The following TASOR2 variants were observed in gnomAD, a reference collection of about 807,000 sequenced individuals.
TASOR2 encodes the protein transcription activation suppressor family member 2.
Under a neutral mutation model 199.5 loss-of-function variants are expected in TASOR2, and 84 were observed. The observed-to-expected ratio is 0.42, with a 90% CI of 0.35 to 0.50. The LOEUF (loss-of-function observed/expected upper bound fraction) is 0.50, where lower values mean the gene tolerates loss of function less well. TASOR2 is among the 20% of genes least tolerant of loss of function. The pLI is 0.02. For missense variants in TASOR2, 2,796 were observed against 2,835.9 expected (o/e 0.99, Z 0.32); for synonymous variants, 1,103 against 1,046.6 (o/e 1.05, Z -1.04).
Position 5,754,020 on chromosome 10 carries a change from G to A in TASOR2, c.6607-2593G>A, listed in dbSNP as rs1838468917. Among the ~76,000 whole-genome samples, 1 of 152,082 alleles carries A rather than the reference G, an allele frequency of 6.6e-6. No individual in the cohort carries two copies. The highest frequency in any genetic ancestry group is 1.5e-5 in the Non-Finnish European group (1 of 68,006). On this transcript the variant is annotated intron_variant, in intron 15 of 20. Transcript: ENST00000328090. This position sits in a 1 kb window ranked among gnomAD's most constrained non-coding sequence, Gnocchi z 4.3. Reference sequence around the variant, plus strand: ...CTTTCAGCTTCCATCTTCTCAAAAAGCAACAGAGGGTGCAGTGCTCATGCC... The same window carrying A: ...CTTTCAGCTTCCATCTTCTCAAAAAACAACAGAGGGTGCAGTGCTCATGCC...
At chr10:5,731,254 C>A in intron 11 of TASOR2, 51 bp downstream of exon 12, 2 of 1,528,734 alleles carry the variant, frequency 1.3e-6, no homozygotes, top group South Asian at 1.2e-5. Flanking sequence ...TGTGGCCAGG[C>A]GTTGGTGGCT....
intron 12 of TASOR2, among the ~76,000 whole-genome samples, chr10:5,739,091 T>A (rs1322306871): frequency 6.6e-6 from 1 of 152,250 alleles, no homozygotes; most frequent in Non-Finnish European, 1.5e-5. Context: ...ATAGTTAAAA[T>A]CATTTGAACT....
At position 5,706,735 on chromosome 10, in the gene TASOR2, G is replaced by A. The variant is rs1361868289; in HGVS notation, c.-287-6088G>A. ...AGTGAAACCTAGGCCTAGCACGGTG[G>A]CTCATGCCTGTAATTCCAGCACTTT... is the stretch of plus-strand genomic sequence containing the variant. On this transcript the variant is annotated intron_variant, in intron 1 of 20. Coordinates refer to ENST00000328090, the Ensembl canonical transcript of TASOR2. The surrounding 1 kb of genome is among the most constrained non-coding windows in gnomAD (Gnocchi z 4.8). Among the ~76,000 whole-genome samples the A allele has an allele frequency of 6.6e-6, 1 of 152,158 alleles. No individual in the cohort carries two copies. The highest frequency in any genetic ancestry group is 1.9e-4 in the East Asian group (1 of 5,200).
intron 1 of TASOR2, chr10:5,709,514 T>C: frequency 8.1e-7 from 1 of 1,228,408 alleles, no homozygotes; most frequent in Non-Finnish European, 1.0e-6. Context: ...TGATTTTTTT[T>C]CTTTCTTCAT....
chr10:5,740,647 T>C lies in TASOR2; in HGVS notation c.2327+150T>C, dbSNP rs778319952. The stretch of plus-strand genomic sequence containing the variant: ...ATTTGATAATAACATCAAGCAAACA[T>C]GTTTCCTGGCAATTAAGAGTAACAG... On this transcript the variant is annotated intron_variant, in intron 13 of 20. Transcript: ENST00000328090. The surrounding 1 kb of genome is among the most constrained non-coding windows in gnomAD (Gnocchi z 5.3). 1.2e-6 allele frequency: 1 copy of C among 858,648 alleles called. No homozygotes were observed. Among genetic ancestry groups the C allele is most frequent in the Non-Finnish European group, 1.7e-6 (1 of 574,602 alleles). The allele number at this position is 858,648 out of a possible 1,614,324, so 53.2% of individuals were successfully genotyped here. A position where few individuals can be genotyped will look rare whatever the true frequency, so the allele number is the denominator to read the frequency against.
At chr10:5,697,320 G>A (rs2131508690) in intron 1 of TASOR2, among the ~76,000 whole-genome samples, 1 of 152,340 alleles carries the variant, frequency 6.6e-6, no homozygotes, top group South Asian at 2.1e-4. Context: ...TGCAAGTGCT[G>A]TTAGGTATCC....
intron 1 of TASOR2, among the ~76,000 whole-genome samples, chr10:5,704,467 A>AATC (rs1404843088): frequency 2.0e-5 from 3 of 152,106 alleles, no homozygotes. Flanking sequence ...AGTACATATA[A>AATC]ATCACACTCC....
Position 5,754,067 on chromosome 10 carries a change from GGCCGAGGCAGGTGGATC to G in TASOR2, c.6607-2545_6607-2529del, listed in dbSNP as rs1203748517. 6.6e-6 allele frequency among the ~76,000 whole-genome samples: 1 copy of G among 152,124 alleles called. No homozygotes were observed. The highest frequency in any genetic ancestry group is 2.4e-5 in the African/African-American group (1 of 41,426). On this transcript the variant is annotated intron_variant, in intron 15 of 20. Coordinates refer to ENST00000328090, the Ensembl canonical transcript of TASOR2. This position sits in a 1 kb window ranked among gnomAD's most constrained non-coding sequence, Gnocchi z 4.3. ...TGCCTGTAATCCCAGCACTTTGGGA[GGCCGAGGCAGGTGGATC>G]ACCTGAAGTCAGGAGTTGGAGACCA...
At chr10:5,727,150 C>G (rs1387913625) in intron 10 of TASOR2, 27 bp downstream of exon 11, 2 of 1,612,826 alleles carry the variant, frequency 1.2e-6, no homozygotes, top group Non-Finnish European at 1.7e-6. Context: ...TTCCAGCTCA[C>G]TCTGTCTGTT....
rs1837932615 is a variant in TASOR2 at position 5,750,830 on chromosome 10, T to C, written c.6606+803T>C. ...ACAACCCTGTGCATCAGGAAGTTCA[T>C]ATAATATTAATTAAAGTGACCATCT... On this transcript the variant is annotated intron_variant, in intron 15 of 20. Coordinates refer to ENST00000328090, the Ensembl canonical transcript of TASOR2. This position sits in a 1 kb window ranked among gnomAD's most constrained non-coding sequence, Gnocchi z 5.4. 6.6e-6 allele frequency among the ~76,000 whole-genome samples: 1 copy of C among 152,198 alleles called. No homozygotes were observed.
exon 13 of TASOR2, chr10:5,739,706 A>G: frequency 6.2e-7 from 1 of 1,614,172 alleles, no homozygotes; most frequent in Non-Finnish European, 8.5e-7. Context: ...TTCAACCAGA[A>G]AATACCACAG....
At position 5,746,358 on chromosome 10, in the gene TASOR2, G is replaced by T. The variant is rs1250000100; in HGVS notation, c.2937G>T (p.Arg979Ser). Reference sequence around the variant, plus strand: ...CTGTTACTCAAGCCACATTCACCAGGACTTACGATGGGCCTGGCAGTCAGC... The same window carrying T: ...CTGTTACTCAAGCCACATTCACCAGTACTTACGATGGGCCTGGCAGTCAGC... The change falls in exon 15 of 21, where the codon AGG becomes AGT. Residue 979 changes from arginine (R) to serine (S), a missense_variant. By Grantham distance (110) the Arg-to-Ser change is moderately radical. Transcript: ENST00000328090. 7 of 1,614,006 alleles carry T rather than the reference G, an allele frequency of 4.3e-6. No homozygotes were observed. In the South Asian group the frequency reaches 7.7e-5, roughly 18 times the overall value.
rs192765952 is a variant in TASOR2, at chr10:5,754,772, G to A, written c.6607-1841G>A. On this transcript the variant is annotated intron_variant, in intron 15 of 20. Coordinates refer to ENST00000328090, the Ensembl canonical transcript of TASOR2. This position sits in a 1 kb window ranked among gnomAD's most constrained non-coding sequence, Gnocchi z 4.3. Reference sequence around the variant, plus strand: ...TGAGAAAGTGGACACGGCCGGGCGCGGTGGCTCACGCCTGTAATCCCAGCA... The same window carrying A: ...TGAGAAAGTGGACACGGCCGGGCGCAGTGGCTCACGCCTGTAATCCCAGCA... Among the ~76,000 whole-genome samples, 931 of 152,076 alleles carry A rather than the reference G, an allele frequency of 6.1e-3. 16 individuals carry two copies. The highest frequency in any genetic ancestry group is 0.045 in the South Asian group (216 of 4,810).
Position 5,720,290 on chromosome 10 carries a change from A to T in TASOR2, c.-99-254A>T. 1 of 985,382 alleles carries T rather than the reference A, an allele frequency of 1.0e-6. No individual in the cohort carries two copies. Among genetic ancestry groups the T allele is most frequent in the Non-Finnish European group, 1.2e-6 (1 of 829,876 alleles). The allele number at this position is 985,382 out of a possible 1,614,324, so 61.0% of individuals were successfully genotyped here. A position where few individuals can be genotyped will look rare whatever the true frequency, so the allele number is the denominator to read the frequency against. ...AGTCAAGTTTGTGTCTGAGAATTATACAACTAACTATACTAAGCCATCTTC... is the reference window on the plus strand; with the variant it reads ...AGTCAAGTTTGTGTCTGAGAATTATTCAACTAACTATACTAAGCCATCTTC... On this transcript the variant is annotated intron_variant, in intron 3 of 20. Transcript: ENST00000328090. The surrounding 1 kb of genome is among the most constrained non-coding windows in gnomAD (Gnocchi z 5.3).
chr10:5,748,162 G>C lies in TASOR2; in HGVS notation c.4741G>C (p.Val1581Leu). The change falls in exon 15 of 21, where the codon GTT (valine) becomes CTT (leucine). Residue 1581 changes from valine to leucine, a missense_variant. Physicochemically the swap from Val to Leu is conservative, Grantham distance 32 (BLOSUM62 1). Transcript: ENST00000328090. The surrounding 1 kb of genome is among the most constrained non-coding windows in gnomAD (Gnocchi z 5.1). ...TGAACCTCCATTTGGTCCTAGAAATGTTATTGAAAATAAGTCTTTGTCTGA... is the reference window on the plus strand; with the variant it reads ...TGAACCTCCATTTGGTCCTAGAAATCTTATTGAAAATAAGTCTTTGTCTGA... The C allele has an allele frequency of 6.2e-7, 1 of 1,614,214 alleles. No homozygotes were observed. The highest frequency in any genetic ancestry group is 8.5e-7 in the Non-Finnish European group (1 of 1,180,030).
At chr10:5,745,440 T>C (rs965616310) in intron 14 of TASOR2, among the ~76,000 whole-genome samples, 5 of 152,168 alleles carry the variant, frequency 3.3e-5, no homozygotes, top group East Asian at 1.9e-4. Flanking sequence ...GGTGTACTTA[T>C]GGTCTAATTG....
chr10:5,731,102 G>T (rs369851958), exon 11 of TASOR2: 1 of 1,613,476 alleles, frequency 6.2e-7, no homozygotes, highest in Non-Finnish European at 8.5e-7. Flanking sequence ...AACTTGTGCC[G>T]CCCCTTTCCC....
Position 5,720,773 on chromosome 10 carries a change from T to C in TASOR2, c.45T>C (p.Asn15=). 1 of 1,612,420 alleles carries C rather than the reference T, an allele frequency of 6.2e-7. No individual in the cohort carries two copies. The highest frequency in any genetic ancestry group is 8.5e-7 in the Non-Finnish European group (1 of 1,179,588). The change falls in exon 5 of 21, where the codon AAT becomes AAC. Residue 15 remains asparagine, a splice_region_variant and synonymous_variant. Coordinates refer to ENST00000328090, the Ensembl canonical transcript of TASOR2. The surrounding 1 kb of genome is among the most constrained non-coding windows in gnomAD (Gnocchi z 5.3). ...CTGCTAGACTTGAACGCAGTGAAAA[T>C]GGTAAGAAATAGTTCATTGATTCTT...
chr10:5,733,275 AGGCGGGT>A (rs1180129659), intron 11 of TASOR2, among the ~76,000 whole-genome samples: 1 of 152,138 alleles, frequency 6.6e-6, no homozygotes, highest in Non-Finnish European at 1.5e-5. Flanking sequence ...TGGGAGGCTG[AGGCGGGT>A]GGATCACTTG....
Sources: allele counts gnomAD v4.1 joint callset (sites outside exome capture counted in the v4.1 genomes callset), GRCh38; gene constraint gnomAD v4.1.1; non-coding constraint Gnocchi (gnomAD v3.1); transcripts MANE v1.5; gene names NCBI Gene and HGNC (gene_info 2026-07-23, HGNC 2026-07-21).